MGAT4C: variants seen among roughly 807,000 people sequenced by gnomAD.
MGAT4C encodes alpha-1,3-mannosyl-glycoprotein 4-beta-N-acetylglucosaminyltransferase C.
A neutral mutation model predicts 40.1 loss-of-function variants in MGAT4C; 19 were observed. That is an observed-to-expected ratio of 0.47 (90% confidence interval 0.33 to 0.70). The LOEUF is 0.70. Among genes scored for constraint, MGAT4C ranks in the 30% least tolerant of loss-of-function variants. The pLI is 0.02. For missense variants in MGAT4C, 491 were observed against 563.2 expected (o/e 0.87, Z 1.30); for synonymous variants, 181 against 187.1 (o/e 0.97, Z 0.27).
intron 1 of MGAT4C, among the ~76,000 whole-genome samples, chr12:86,741,396 A>G (rs1263127059): frequency 1.3e-5 from 2 of 151,396 alleles, no homozygotes; most frequent in African/African-American, 4.8e-5. Context: ...TTTTGAAACT[A>G]TAATGCATAT....
At chr12:86,224,366 C>T (rs1950998008) in intron 1 of MGAT4C, among the ~76,000 whole-genome samples, 1 of 152,028 alleles carries the variant, frequency 6.6e-6, no homozygotes, top group Admixed American at 6.5e-5. Flanking sequence ...GGGACTTCAA[C>T]ACCCCACTGC....
intron 3 of MGAT4C, among the ~76,000 whole-genome samples, chr12:86,367,472 C>T (rs1160952754): frequency 1.3e-5 from 2 of 152,148 alleles, no homozygotes; most frequent in Non-Finnish European, 2.9e-5. Flanking sequence ...CAGTCCAAGC[C>T]TCCGCTGAAT....
chr12:86,233,585 C>T (rs1951414806), intron 1 of MGAT4C, among the ~76,000 whole-genome samples: 1 of 152,096 alleles, frequency 6.6e-6, no homozygotes, highest in African/African-American at 2.4e-5. Context: ...TCTGCTACAA[C>T]TACAAAGTGG....
At chr12:86,522,425 C>T (rs927014730) in intron 2 of MGAT4C, among the ~76,000 whole-genome samples, 1 of 152,100 alleles carries the variant, frequency 6.6e-6, no homozygotes, top group Non-Finnish European at 1.5e-5. Context: ...ATATGTTGAA[C>T]CAACTTTGCA....
intron 2 of MGAT4C, among the ~76,000 whole-genome samples, chr12:86,704,598 G>A (rs1950423698): frequency 6.6e-6 from 1 of 152,058 alleles, no homozygotes; most frequent in African/African-American, 2.4e-5. Flanking sequence ...AGGTCTTGAA[G>A]CACCTATTAT....
At chr12:86,696,235 G>T (rs1235391355) in intron 2 of MGAT4C, among the ~76,000 whole-genome samples, 1 of 151,800 alleles carries the variant, frequency 6.6e-6, no homozygotes, top group Non-Finnish European at 1.5e-5. Flanking sequence ...AGTATAATTG[G>T]ATTGTTTGTA....
At chr12:86,354,323 A>T (rs1955255149) in intron 3 of MGAT4C, among the ~76,000 whole-genome samples, 1 of 152,200 alleles carries the variant, frequency 6.6e-6, no homozygotes, top group Admixed American at 6.5e-5. Context: ...GTAATATTTT[A>T]AAACTCTAAA....
intron 1 of MGAT4C, among the ~76,000 whole-genome samples, chr12:86,081,121 A>T (rs1870761711): frequency 6.6e-6 from 1 of 152,178 alleles, no homozygotes; most frequent in African/African-American, 2.4e-5. Context: ...TTAGCATTCC[A>T]TGTCTAAGGA....
At chr12:86,755,018 T>C (rs1468135698) in intron 1 of MGAT4C, among the ~76,000 whole-genome samples, 1 of 152,150 alleles carries the variant, frequency 6.6e-6, no homozygotes, top group African/African-American at 2.4e-5. Flanking sequence ...GGTTAGGCTA[T>C]AGTAGTCAAT....
intron 2 of MGAT4C, among the ~76,000 whole-genome samples, chr12:86,508,357 T>C (rs1317793714): frequency 6.6e-6 from 1 of 152,154 alleles, no homozygotes; most frequent in African/African-American, 2.4e-5. Context: ...TGATTTCCAA[T>C]TTCATCCATG....
At chr12:86,816,812 C>T (rs375648087) in intron 1 of MGAT4C, among the ~76,000 whole-genome samples, 30 of 151,510 alleles carry the variant, frequency 2.0e-4, no homozygotes, top group Middle Eastern at 3.5e-3. Flanking sequence ...TTGTCTTGAT[C>T]GAACTAATCA....
intron 2 of MGAT4C, among the ~76,000 whole-genome samples, chr12:86,492,118 T>A (rs1016197002): frequency 9.2e-5 from 14 of 152,232 alleles, no homozygotes; most frequent in African/African-American, 3.4e-4. Context: ...CAAGGAGAAC[T>A]ACAAACCACT....
chr12:86,779,729 C>A (rs1321172760), intron 1 of MGAT4C, among the ~76,000 whole-genome samples: 1 of 151,790 alleles, frequency 6.6e-6, no homozygotes, highest in East Asian at 1.9e-4. Flanking sequence ...CTGGCTAACG[C>A]GGTGAAACCT....
chr12:86,373,459 C>G (rs945114675), intron 3 of MGAT4C, among the ~76,000 whole-genome samples: 1 of 151,748 alleles, frequency 6.6e-6, no homozygotes, highest in Non-Finnish European at 1.5e-5. Context: ...CAATATGTAC[C>G]TCATATTGTA....
At chr12:86,816,571 G>A (rs935921537) in intron 1 of MGAT4C, among the ~76,000 whole-genome samples, 2 of 151,408 alleles carry the variant, frequency 1.3e-5, no homozygotes, top group African/African-American at 4.8e-5. Context: ...CTAGAAATTT[G>A]TCATTTTTTA....
At chr12:86,836,975 G>A (rs1463217078) in intron 1 of MGAT4C, among the ~76,000 whole-genome samples, 1 of 152,120 alleles carries the variant, frequency 6.6e-6, no homozygotes, top group Non-Finnish European at 1.5e-5. Context: ...AAGAGAGAGA[G>A]AGGATGTTAA....
rs146607155 is a variant in MGAT4C at position 86,409,845 on chromosome 12, C to T, written c.-120+25312G>A. Among the ~76,000 whole-genome samples, 896 of 152,058 alleles carry T rather than the reference C, an allele frequency of 5.9e-3. 5 individuals are homozygous for T. Among genetic ancestry groups the T allele is most frequent in the Middle Eastern group, 0.01 (3 of 294 alleles). Reference sequence around the variant, plus strand: ...CCCCAATTTTTCAATGTAGGTATTTCGATTTTCCCTAAGTGTTGGCCGATC... The same window carrying T: ...CCCCAATTTTTCAATGTAGGTATTTTGATTTTCCCTAAGTGTTGGCCGATC... On this transcript the variant is annotated intron_variant, in intron 3 of 7. Transcript: ENST00000548651.
chr12:86,670,019 G>T (rs1264609040), intron 2 of MGAT4C, among the ~76,000 whole-genome samples: 1 of 147,052 alleles, frequency 6.8e-6, no homozygotes, highest in Non-Finnish European at 1.5e-5. Flanking sequence ...AAAGAAAAAA[G>T]AAAATCAATA....
At chr12:86,091,401 G>GT (rs1206981040) in intron 1 of MGAT4C, among the ~76,000 whole-genome samples, 38 of 152,036 alleles carry the variant, frequency 2.5e-4, no homozygotes, top group Non-Finnish European at 8.8e-5. Context: ...GATATTTTTT[G>GT]TTTTTTATGA....
Sources: gnomAD v4.1 joint callset for allele counts (sites outside exome capture counted in the v4.1 genomes callset) on GRCh38, gnomAD v4.1.1 for gene constraint, MANE v1.5 for transcripts, NCBI Gene and HGNC (gene_info 2026-07-23, HGNC 2026-07-21) for gene names.